Variants in XRRA1 observed in about 807,000 individuals in gnomAD.
XRRA1 encodes the protein X-ray radiation resistance associated 1.
XRRA1 carries 69 observed loss-of-function variants against 80.2 expected under a neutral mutation model. That is an observed-to-expected ratio of 0.86 (90% CI 0.71 to 1.05). The LOEUF (loss-of-function observed/expected upper bound fraction) is 1.05. Ranked by LOEUF, XRRA1 falls within the 50% of genes least tolerant of loss-of-function variation. The pLI is 0.00. For synonymous variants in XRRA1, 348 were observed against 389.9 expected, an observed-to-expected ratio of 0.89 and a Z score of 1.27; for missense variants, 967 against 976.4, an observed-to-expected ratio of 0.99 and a Z score of 0.13.
chr11:74,854,942 C>T (rs997926204), intron 12 of XRRA1, among the ~76,000 whole-genome samples: 22 of 151,950 alleles, frequency 1.4e-4, no homozygotes, highest in Admixed American at 2.6e-4. Flanking sequence ...CCCAGCTCCT[C>T]GGGAGGCTGA....
Position 74,851,132 on chromosome 11 carries a change from T to G in XRRA1, c.1336A>C (p.Lys446Gln). Reference sequence around the variant, plus strand: ...GACATCAAAACATGATGCTTAGGCTTTACTATCTTCCTTCGAATTAAGTGG... The same window carrying G: ...GACATCAAAACATGATGCTTAGGCTGTACTATCTTCCTTCGAATTAAGTGG... ...GIHLIRRKIVKPKHHVLMSRK... is the reference protein window; with the variant it reads ...GIHLIRRKIVQPKHHVLMSRK... The change falls in exon 14 of 19, where the codon AAG (lysine) becomes CAG (glutamine). Residue 446 changes from lysine to glutamine, a missense_variant. Lys to Gln is a moderately conservative substitution (Grantham distance 53). Coordinates refer to ENST00000684022, the MANE Select transcript of XRRA1 (RefSeq NM_001378157.1). 6.2e-7 allele frequency: 1 copy of G among 1,613,142 alleles called. No homozygotes were observed. Among genetic ancestry groups the G allele is most frequent in the Non-Finnish European group, 8.5e-7 (1 of 1,179,340 alleles).
intron 16 of XRRA1, 101 bp downstream of exon 16, chr11:74,844,972 T>C (rs2037653621): frequency 8.3e-7 from 1 of 1,209,474 alleles, no homozygotes; most frequent in Non-Finnish European, 1.2e-6. Flanking sequence ...AGCACCCTAG[T>C]TGGGAAAAGA....
At chr11:74,867,206 T>C (rs1204298008) in intron 10 of XRRA1, among the ~76,000 whole-genome samples, 2 of 152,146 alleles carry the variant, frequency 1.3e-5, no homozygotes, top group Non-Finnish European at 2.9e-5. Context: ...ATGACCACAC[T>C]AGTTCTCCAG....
chr11:74,857,871 G>T (rs1377068323), intron 12 of XRRA1, among the ~76,000 whole-genome samples: 1 of 151,982 alleles, frequency 6.6e-6, no homozygotes, highest in South Asian at 2.1e-4. Context: ...GATCAAAGAA[G>T]AAATCACAGG....
chr11:74,871,384 C>A (rs1468937411), intron 10 of XRRA1, among the ~76,000 whole-genome samples: 2 of 152,200 alleles, frequency 1.3e-5, no homozygotes, highest in Non-Finnish European at 2.9e-5. Context: ...TCCTTGTCTC[C>A]CCTAGCTTTC....
At chr11:74,875,742 A>C in intron 10 of XRRA1, among the ~76,000 whole-genome samples, 1 of 152,278 alleles carries the variant, frequency 6.6e-6, no homozygotes, top group Non-Finnish European at 1.5e-5. Context: ...GTGGTGGTGC[A>C]CGCCTGTAAT....
chr11:74,898,036 A>G (rs2052767313), intron 10 of XRRA1, among the ~76,000 whole-genome samples: 1 of 152,206 alleles, frequency 6.6e-6, no homozygotes, highest in Non-Finnish European at 1.5e-5. Flanking sequence ...ATGAACCAAT[A>G]AAAAATAATA....
intron 10 of XRRA1, among the ~76,000 whole-genome samples, chr11:74,874,660 T>C (rs1308419563): frequency 1.3e-5 from 2 of 152,210 alleles, no homozygotes; most frequent in Non-Finnish European, 2.9e-5. Context: ...GAAAGCTGAC[T>C]CCCTAAATAT....
chr11:74,934,975 C>T (rs1235771460), intron 4 of XRRA1, among the ~76,000 whole-genome samples: 1 of 152,152 alleles, frequency 6.6e-6, no homozygotes, highest in African/African-American at 2.4e-5. Context: ...TGTTAAAGAA[C>T]ACCAATGTTA....
chr11:74,916,413 G>A (rs1474974183), intron 8 of XRRA1, among the ~76,000 whole-genome samples: 1 of 151,696 alleles, frequency 6.6e-6, no homozygotes, highest in Non-Finnish European at 1.5e-5. Flanking sequence ...CTGTCTTCAA[G>A]TTTGCTGATT....
intron 10 of XRRA1, among the ~76,000 whole-genome samples, chr11:74,879,620 T>C (rs1231896691): frequency 2.6e-5 from 4 of 152,074 alleles, no homozygotes; most frequent in Non-Finnish European, 2.9e-5. Context: ...ATAGCTCTTA[T>C]TATTTTGAAA....
intron 7 of XRRA1, among the ~76,000 whole-genome samples, chr11:74,927,117 A>G (rs1263609026): frequency 6.6e-6 from 1 of 152,184 alleles, no homozygotes; most frequent in Non-Finnish European, 1.5e-5. Flanking sequence ...TCCCTTGGAC[A>G]TGACCTTTGG....
chr11:74,855,830 C>T (rs1336171343), intron 12 of XRRA1, among the ~76,000 whole-genome samples: 3 of 152,180 alleles, frequency 2.0e-5, no homozygotes, highest in Non-Finnish European at 4.4e-5. Flanking sequence ...TATTATTTGA[C>T]ATGATTAAAA....
chr11:74,939,841 CATAG>C (rs113098997), intron 3 of XRRA1, among the ~76,000 whole-genome samples: 1,623 of 120,646 alleles, frequency 0.013, 31 homozygotes, highest in African/African-American at 0.042. Flanking sequence ...GAGAGAGTGA[CATAG>C]AGAGAGAGAG....
chr11:74,841,912 A>C lies in XRRA1; in HGVS notation c.*1288T>G, dbSNP rs960706260. 1 of 152,268 alleles carries C rather than the reference A, an allele frequency of 6.6e-6. No individual in the cohort carries two copies. Among genetic ancestry groups the C allele is most frequent in the African/African-American group, 2.4e-5 (1 of 41,456 alleles). The allele number at this position is 152,268 out of a possible 1,614,324, so 9.4% of individuals were successfully genotyped here. On this transcript the variant is annotated 3_prime_UTR_variant, in exon 19 of 19. Transcript: ENST00000684022. ...GGTTCAAGTTTGCATCAAACATGGT[A>C]TTACCAACGCTGAGCCTCCAGCAGA...
intron 6 of XRRA1, among the ~76,000 whole-genome samples, chr11:74,928,243 C>T (rs1942726721): frequency 6.6e-6 from 1 of 152,214 alleles, no homozygotes; most frequent in South Asian, 2.1e-4. Flanking sequence ...ACAGTAACTG[C>T]ATTTCCAGGC....
At chr11:74,913,298 A>G (rs539790071) in intron 8 of XRRA1, among the ~76,000 whole-genome samples, 1 of 152,248 alleles carries the variant, frequency 6.6e-6, no homozygotes, top group Non-Finnish European at 1.5e-5. Flanking sequence ...GATTAAAAAG[A>G]TGGAAGGATA....
intron 12 of XRRA1, among the ~76,000 whole-genome samples, chr11:74,852,887 T>C (rs1370969261): frequency 6.6e-6 from 1 of 152,164 alleles, no homozygotes; most frequent in East Asian, 1.9e-4. Context: ...CACTGAAAGG[T>C]ATTGGGTCAG....
intron 7 of XRRA1, 96 bp from the exon 8 acceptor site, chr11:74,921,443 G>A (rs1030353547): frequency 1.2e-5 from 18 of 1,495,298 alleles, no homozygotes; most frequent in African/African-American, 9.6e-5. Flanking sequence ...GTGCCCCATC[G>A]CCCACAGGAC....
Sources: allele counts gnomAD v4.1 joint callset (sites outside exome capture counted in the v4.1 genomes callset), GRCh38; gene constraint gnomAD v4.1.1; transcripts MANE v1.5; gene names NCBI Gene and HGNC (gene_info 2026-07-23, HGNC 2026-07-21).